Variants in CDH12 observed in about 807,000 individuals in gnomAD.
The protein encoded by CDH12 is cadherin 12, also known as cadherin-12.
A neutral mutation model predicts 74.1 loss-of-function variants in CDH12; 41 were observed. The observed-to-expected ratio is 0.55, with a 90% CI of 0.43 to 0.72. The LOEUF (loss-of-function observed/expected upper bound fraction) is 0.72, where lower values mean the gene tolerates loss of function less well. CDH12 is among the 30% of genes least tolerant of loss of function. CDH12 has a pLI of 0.00. For missense variants in CDH12, 945 were observed against 977.2 expected (o/e 0.97, Z 0.44); for synonymous variants, 399 against 355.0 (o/e 1.12, Z -1.39).
At chr5:22,589,967 T>A (rs1561512561) in intron 1 of CDH12, among the ~76,000 whole-genome samples, 1 of 152,294 alleles carries the variant, frequency 6.6e-6, no homozygotes, top group Middle Eastern at 3.4e-3. Flanking sequence ...AAATTTACCA[T>A]ACGCTTCATT....
chr5:21,898,773 T>G (rs948109694), intron 6 of CDH12, among the ~76,000 whole-genome samples: 13 of 151,942 alleles, frequency 8.6e-5, no homozygotes, highest in Non-Finnish European at 1.3e-4. Flanking sequence ...GTAAAAGTTA[T>G]GAAAAAAGTT....
At chr5:22,381,822 C>T (rs1741769893) in intron 3 of CDH12, among the ~76,000 whole-genome samples, 1 of 148,692 alleles carries the variant, frequency 6.7e-6, no homozygotes, top group South Asian at 2.1e-4. Context: ...AAAGGAAGTT[C>T]GGGAAAAAAA....
intron 3 of CDH12, among the ~76,000 whole-genome samples, chr5:22,363,462 T>A (rs1740904734): frequency 6.6e-6 from 1 of 152,202 alleles, no homozygotes; most frequent in African/African-American, 2.4e-5. Context: ...ATGATGAATA[T>A]GCCTATGATG....
intron 4 of CDH12, among the ~76,000 whole-genome samples, chr5:22,186,831 T>C (rs1423088319): frequency 6.6e-6 from 1 of 152,022 alleles, no homozygotes; most frequent in Non-Finnish European, 1.5e-5. Context: ...AATGACACAG[T>C]TGATAGAAAA....
chr5:22,660,352 G>C (rs1324466539), intron 1 of CDH12, among the ~76,000 whole-genome samples: 3 of 152,244 alleles, frequency 2.0e-5, no homozygotes, highest in Non-Finnish European at 2.9e-5. Context: ...TATATAACAG[G>C]ACAAGAATTT....
intron 3 of CDH12, among the ~76,000 whole-genome samples, chr5:22,350,272 T>C (rs1740304713): frequency 6.6e-6 from 1 of 152,214 alleles, no homozygotes; most frequent in South Asian, 2.1e-4. Flanking sequence ...AAATACTTAA[T>C]GATATATGTT....
At chr5:22,236,322 G>T (rs1216885985) in intron 3 of CDH12, among the ~76,000 whole-genome samples, 2 of 151,962 alleles carry the variant, frequency 1.3e-5, no homozygotes, top group Non-Finnish European at 2.9e-5. Flanking sequence ...ATAACACTTA[G>T]CTTAAAACAC....
chr5:21,775,786 A>G (rs759693547), intron 11 of CDH12, among the ~76,000 whole-genome samples: 3 of 151,966 alleles, frequency 2.0e-5, no homozygotes, highest in Non-Finnish European at 1.5e-5. Flanking sequence ...TTGATTTTAT[A>G]TTTAATGTAT....
chr5:21,819,458 C>G (rs1249622451), intron 8 of CDH12, among the ~76,000 whole-genome samples: 1 of 151,968 alleles, frequency 6.6e-6, no homozygotes, highest in Non-Finnish European at 1.5e-5. Flanking sequence ...TTATCAGAAA[C>G]TGTGTTTGTA....
chr5:22,509,243 C>T (rs1256762115), intron 1 of CDH12, among the ~76,000 whole-genome samples: 1 of 152,132 alleles, frequency 6.6e-6, no homozygotes. Context: ...TCCCTTCAGA[C>T]TAGGACTACT....
chr5:22,759,063 G>T (rs1302538905), intron 1 of CDH12, among the ~76,000 whole-genome samples: 2 of 151,918 alleles, frequency 1.3e-5, no homozygotes, highest in Non-Finnish European at 2.9e-5. Flanking sequence ...CATATGAAAG[G>T]TGAATACACA....
intron 11 of CDH12, among the ~76,000 whole-genome samples, chr5:21,778,051 T>C (rs1745690924): frequency 6.6e-6 from 1 of 152,114 alleles, no homozygotes; most frequent in Non-Finnish European, 1.5e-5. Context: ...CCTATCTAAC[T>C]CAAATGTTTT....
At chr5:22,210,510 G>T (rs1039729397) in intron 4 of CDH12, among the ~76,000 whole-genome samples, 6 of 150,382 alleles carry the variant, frequency 4.0e-5, no homozygotes, top group Admixed American at 3.3e-4. Context: ...TGTATTTTAA[G>T]TTCAGGGGTA....
At chr5:22,110,038 TA>T (rs1744716077) in intron 4 of CDH12, among the ~76,000 whole-genome samples, 1 of 152,116 alleles carries the variant, frequency 6.6e-6, no homozygotes, top group Admixed American at 6.6e-5. Context: ...ACTGGGAAGA[TA>T]AAGTTTAGTT....
intron 1 of CDH12, among the ~76,000 whole-genome samples, chr5:22,581,371 G>C (rs996914778): frequency 2.0e-5 from 3 of 152,194 alleles, no homozygotes; most frequent in African/African-American, 7.2e-5. Context: ...TCAAGCCTTG[G>C]CAGCTTTGGG....
intron 4 of CDH12, among the ~76,000 whole-genome samples, chr5:22,144,345 T>C (rs1183852904): frequency 1.3e-5 from 2 of 152,316 alleles, no homozygotes; most frequent in South Asian, 4.1e-4. Flanking sequence ...GTTAACTTTA[T>C]CCAACTAATA....
intron 6 of CDH12, among the ~76,000 whole-genome samples, chr5:21,885,494 G>A (rs1286400275): frequency 6.6e-6 from 1 of 152,116 alleles, no homozygotes; most frequent in African/African-American, 2.4e-5. Context: ...TTCAATAAAG[G>A]ATTCATGCAA....
chr5:22,148,099 C>G (rs1747324701), intron 4 of CDH12, among the ~76,000 whole-genome samples: 1 of 152,138 alleles, frequency 6.6e-6, no homozygotes, highest in South Asian at 2.1e-4. Flanking sequence ...TGTACAGCGC[C>G]CCTTTTCTTC....
At chr5:21,902,284 TTATATGTA>T (rs1013058583) in intron 6 of CDH12, among the ~76,000 whole-genome samples, 41 of 150,414 alleles carry the variant, frequency 2.7e-4, no homozygotes, top group East Asian at 3.9e-4. Flanking sequence ...TACATATGTA[TTATATGTA>T]TATATGTATA....
Sources: allele counts gnomAD v4.1 joint callset (sites outside exome capture counted in the v4.1 genomes callset), GRCh38; gene constraint gnomAD v4.1.1; transcripts MANE v1.5; gene names NCBI Gene and HGNC (gene_info 2026-07-23, HGNC 2026-07-21).